KLHL13: variants seen among roughly 807,000 people sequenced by gnomAD.
KLHL13 encodes the protein kelch-like protein 13.
In KLHL13, 10 loss-of-function variants were observed where a neutral mutation model predicts 37.1. That is an observed-to-expected ratio of 0.27 (90% CI 0.17 to 0.46). The LOEUF (loss-of-function observed/expected upper bound fraction) is 0.46. Ranked by LOEUF, KLHL13 falls within the 20% of genes least tolerant of loss-of-function variation. KLHL13 has a pLI of 1.00. For missense variants in KLHL13, 360 were observed against 509.3 expected (o/e 0.71, Z 2.82); for synonymous variants, 163 against 181.2 (o/e 0.90, Z 0.81).
intron 2 of KLHL13, among the ~76,000 whole-genome samples, chrX:117,936,582 C>G (rs182718451): frequency 9.0e-6 from 1 of 111,569 alleles, no homozygotes; most frequent in African/African-American, 3.3e-5. Flanking sequence ...CCTCATCCAT[C>G]TGCCCAATCT....
At chrX:118,085,430 G>GAT (rs753190762) in intron 1 of KLHL13, among the ~76,000 whole-genome samples, 152 of 109,682 alleles carry the variant, frequency 1.4e-3, no homozygotes, top group African/African-American at 3.8e-3. Flanking sequence ...AAAGGAGATA[G>GAT]ATATATATAT....
intron 2 of KLHL13, among the ~76,000 whole-genome samples, chrX:117,925,816 T>A: frequency 9.0e-6 from 1 of 111,721 alleles, no homozygotes; most frequent in Non-Finnish European, 1.9e-5. Flanking sequence ...ACCTGGAATA[T>A]CCTTCCTCCT....
intron 2 of KLHL13, among the ~76,000 whole-genome samples, chrX:117,933,994 T>TAC (rs953269230): frequency 1.8e-5 from 2 of 111,185 alleles, no homozygotes; most frequent in African/African-American, 6.5e-5. Flanking sequence ...GCAACATGGA[T>TAC]ACTGCTGGGG....
chrX:117,925,170 G>A (rs1252367378), intron 2 of KLHL13, among the ~76,000 whole-genome samples: 1 of 111,369 alleles, frequency 9.0e-6, no homozygotes, highest in East Asian at 2.8e-4. Flanking sequence ...AAAATTACTT[G>A]GATGTCAATA....
At chrX:117,956,201 T>C (rs181588596) in intron 1 of KLHL13, among the ~76,000 whole-genome samples, 1 of 111,988 alleles carries the variant, frequency 8.9e-6, no homozygotes, top group East Asian at 2.8e-4. Flanking sequence ...AAGGATTCAT[T>C]TGGGCAAAAT....
chrX:118,093,990 G>A (rs754413130), intron 1 of KLHL13, among the ~76,000 whole-genome samples: 23 of 109,925 alleles, frequency 2.1e-4, no homozygotes, highest in Non-Finnish European at 4.4e-4. Flanking sequence ...ACTGAGGAAC[G>A]CAGCTCCTCA....
chrX:117,899,041 T>C, exon 7 of KLHL13: 1 of 1,211,434 alleles, frequency 8.3e-7, no homozygotes. Context: ...TTCATCTTTA[T>C]CTGGATCATA....
intron 1 of KLHL13, among the ~76,000 whole-genome samples, chrX:118,082,456 A>C (rs1177392346): frequency 2.7e-5 from 3 of 110,644 alleles, no homozygotes; most frequent in Non-Finnish European, 5.7e-5. Context: ...TAATCATATT[A>C]TTTTCTTTTT....
intron 2 of KLHL13, among the ~76,000 whole-genome samples, chrX:117,941,819 G>A (rs1933050237): frequency 9.0e-6 from 1 of 111,229 alleles, no homozygotes; most frequent in South Asian, 3.8e-4. Context: ...AGTGTTCCTC[G>A]TGTCTCTATC....
chrX:117,922,630 G>A (rs959906727), intron 2 of KLHL13, among the ~76,000 whole-genome samples: 17 of 111,482 alleles, frequency 1.5e-4, no homozygotes, highest in Admixed American at 5.7e-4. Flanking sequence ...GTTTGTGTTC[G>A]TTTGTGGTAG....
At chrX:117,957,055 C>A (rs2053216286) in intron 1 of KLHL13, among the ~76,000 whole-genome samples, 1 of 111,254 alleles carries the variant, frequency 9.0e-6, no homozygotes, top group Non-Finnish European at 1.9e-5. Context: ...ATTGCTCTCA[C>A]CAAAATTATT....
intron 1 of KLHL13, among the ~76,000 whole-genome samples, chrX:118,077,858 T>C (rs1280682194): frequency 9.0e-6 from 1 of 111,666 alleles, no homozygotes; most frequent in Non-Finnish European, 1.9e-5. Flanking sequence ...TCTTTGCTAG[T>C]GAGGCATTGT....
intron 1 of KLHL13, among the ~76,000 whole-genome samples, chrX:118,042,465 A>C (rs904957445): frequency 8.9e-6 from 1 of 112,031 alleles, no homozygotes; most frequent in African/African-American, 3.2e-5. Flanking sequence ...CCACAAAACA[A>C]GTATTAAAAC....
At position 117,958,412 on chromosome X, in the gene KLHL13, C is replaced by T. The variant is rs771100899; in HGVS notation, c.99-12837G>A. Among the ~76,000 whole-genome samples the T allele has an allele frequency of 2.4e-3, 264 of 109,919 alleles. 3 individuals carry two copies. The highest frequency in any genetic ancestry group is 0.012 in the South Asian group (30 of 2,540). ...ATACTGTACTCACCTATTTTCATGC[C>T]ATGGTTAACCATGGGTAACTCATTC... On this transcript the variant is annotated intron_variant, in intron 1 of 6. Transcript: ENST00000262820.
At chrX:117,982,709 C>T (rs1381056275) in intron 1 of KLHL13, among the ~76,000 whole-genome samples, 1 of 112,341 alleles carries the variant, frequency 8.9e-6, no homozygotes, top group East Asian at 2.8e-4. Context: ...ACAAGTACTA[C>T]AGCTGATTAT....
intron 4 of KLHL13, among the ~76,000 whole-genome samples, chrX:117,918,191 T>C (rs1227839822): frequency 8.9e-6 from 1 of 111,873 alleles, no homozygotes; most frequent in Non-Finnish European, 1.9e-5. Flanking sequence ...ATAAAAACCC[T>C]TAAAAGTAGC....
intron 1 of KLHL13, among the ~76,000 whole-genome samples, chrX:118,010,831 G>A (rs1166453684): frequency 1.8e-5 from 2 of 110,990 alleles, no homozygotes; most frequent in Non-Finnish European, 3.8e-5. Flanking sequence ...CCAGTACTTT[G>A]GGAGGCTGAG....
chrX:117,899,818 G>A (rs778160901), intron 6 of KLHL13, among the ~76,000 whole-genome samples: 14 of 111,871 alleles, frequency 1.3e-4, no homozygotes, highest in Non-Finnish European at 2.4e-4. Context: ...TAAATTCCAG[G>A]TTCCCATTTC....
intron 1 of KLHL13, among the ~76,000 whole-genome samples, chrX:118,095,075 A>G (rs781124996): frequency 2.3e-4 from 26 of 111,986 alleles, no homozygotes; most frequent in African/African-American, 7.8e-4. Context: ...TAAATGCTCC[A>G]ATTAAAAGAC....
Sources: gnomAD v4.1 joint callset for allele counts (sites outside exome capture counted in the v4.1 genomes callset) on GRCh38, gnomAD v4.1.1 for gene constraint, MANE v1.5 for transcripts, NCBI Gene and HGNC (gene_info 2026-07-23, HGNC 2026-07-21) for gene names.